Variants in C5orf46 observed in about 807,000 individuals in gnomAD.
C5orf46 encodes chromosome 5 open reading frame 46.
A neutral mutation model predicts 8.9 loss-of-function variants in C5orf46; 9 were observed. The observed-to-expected ratio is 1.01, with a 90% CI of 0.61 to 1.76. The LOEUF (loss-of-function observed/expected upper bound fraction) is 1.76. C5orf46 is among the 40% of genes most tolerant of loss of function. C5orf46 has a pLI of 0.00. For missense variants in C5orf46, 98 were observed against 107.8 expected (o/e 0.91, Z 0.40); for synonymous variants, 47 against 41.4 (o/e 1.14, Z -0.52).
intron 3 of C5orf46, among the ~76,000 whole-genome samples, chr5:147,895,291 T>G (rs1011399047): frequency 1.3e-5 from 2 of 152,068 alleles, no homozygotes; most frequent in African/African-American, 2.4e-5. Context: ...ATACAAAAAT[T>G]AGTCTCTCCC....
intron 3 of C5orf46, among the ~76,000 whole-genome samples, chr5:147,893,312 C>G (rs1195746824): frequency 6.9e-6 from 1 of 144,974 alleles, no homozygotes; most frequent in African/African-American, 2.6e-5. Flanking sequence ...GAGACAGAGT[C>G]CCTCTCTGTT....
intron 2 of C5orf46, chr5:147,886,706 T>A (rs1380158754): frequency 6.6e-6 from 1 of 151,208 alleles, no homozygotes; most frequent in Non-Finnish European, 1.5e-5. Context: ...TAAATTGTTA[T>A]CTATGTGAAT....
At chr5:147,901,982 T>A (rs1004580111) in intron 1 of C5orf46, among the ~76,000 whole-genome samples, 1 of 152,166 alleles carries the variant, frequency 6.6e-6, no homozygotes, top group African/African-American at 2.4e-5. Context: ...ATAGACCGAC[T>A]GATATTGATA....
At chr5:147,906,291 C>T in intron 1 of C5orf46, 141 bp downstream of exon 1, 1 of 458,736 alleles carries the variant, frequency 2.2e-6, no homozygotes, top group Admixed American at 3.8e-5. Context: ...AGAAGATACA[C>T]CTCTTGTCTC....
intron 3 of C5orf46, among the ~76,000 whole-genome samples, 191 bp downstream of exon 3, chr5:147,896,793 C>G (rs139878428): frequency 1.1e-4 from 16 of 152,156 alleles, no homozygotes; most frequent in African/African-American, 3.9e-4. Flanking sequence ...GCTCTACCTC[C>G]TCTCTTAAGA....
chr5:147,887,109 T>A (rs548219123), intron 2 of C5orf46: 1 of 152,322 alleles, frequency 6.6e-6, no homozygotes, highest in Non-Finnish European at 1.5e-5. Flanking sequence ...GTTTCATGTC[T>A]AAGATAGGCA....
intron 3 of C5orf46, among the ~76,000 whole-genome samples, chr5:147,894,182 CTT>C (rs1427958805): frequency 6.6e-6 from 1 of 152,104 alleles, no homozygotes; most frequent in African/African-American, 2.4e-5. Flanking sequence ...TCCATTACCT[CTT>C]TTGATAATTT....
At chr5:147,888,066 G>A (rs1386994996), downstream of C5orf46, among the ~76,000 whole-genome samples, 1 of 152,170 alleles carries the variant, frequency 6.6e-6, no homozygotes, top group Non-Finnish European at 1.5e-5. Flanking sequence ...ATATACCTGA[G>A]TGGCAACACT....
In C5orf46 at chr5:147,902,641, ATAGT is replaced by A. The variant is rs764541310; in HGVS notation, c.71-872_71-869del. Among the ~76,000 whole-genome samples the A allele has an allele frequency of 5.3e-5, 8 of 152,176 alleles. No homozygotes were observed. In the East Asian group the frequency reaches 5.8e-4, roughly 11 times the overall value. Reference sequence around the variant, plus strand: ...TGTTTAGAAACTGGTTGAAAGTCACATAGTTAGTAAGTGGCAGAAATACAATTCA... The same window carrying A: ...TGTTTAGAAACTGGTTGAAAGTCACATAGTAAGTGGCAGAAATACAATTCA... On this transcript the variant is annotated intron_variant, in intron 1 of 3. Transcript: ENST00000318315.
intron 1 of C5orf46, 55 bp from the exon 2 acceptor site, chr5:147,901,828 C>G: frequency 6.4e-7 from 1 of 1,572,376 alleles, no homozygotes; most frequent in Non-Finnish European, 8.6e-7. Context: ...AGGAATCATT[C>G]TTTCTGTGTG....
intron 2 of C5orf46, chr5:147,886,293 T>A (rs1292770543): frequency 1.3e-5 from 2 of 152,154 alleles, no homozygotes; most frequent in African/African-American, 4.8e-5. Context: ...GGTTTTGATG[T>A]AGCAGCATAG....
chr5:147,890,811 G>A (rs13360221), downstream of C5orf46, among the ~76,000 whole-genome samples: 5,077 of 152,072 alleles, frequency 0.033, 274 homozygotes, highest in African/African-American at 0.12. Context: ...AGAAAGGAAG[G>A]GAAGTGAATA....
At chr5:147,902,479 G>C (rs1757685700) in intron 1 of C5orf46, among the ~76,000 whole-genome samples, 2 of 152,068 alleles carry the variant, frequency 1.3e-5, no homozygotes, top group Non-Finnish European at 2.9e-5. Context: ...AAATAAAAAT[G>C]AAATATCAAT....
intron 1 of C5orf46, 138 bp from the exon 2 acceptor site, chr5:147,901,911 T>TA (rs1757678418): frequency 2.4e-6 from 2 of 846,606 alleles, no homozygotes; most frequent in African/African-American, 1.7e-5. Context: ...ATCGAACATT[T>TA]AATGCCTGTC....
intron 3 of C5orf46, among the ~76,000 whole-genome samples, chr5:147,895,404 A>C (rs945227456): frequency 3.3e-5 from 5 of 152,306 alleles, no homozygotes; most frequent in Middle Eastern, 3.4e-3. Context: ...TTCATGCATC[A>C]ATTCCAAGTT....
downstream of C5orf46, among the ~76,000 whole-genome samples, chr5:147,889,280 C>G (rs114637128): frequency 6.6e-6 from 1 of 152,114 alleles, no homozygotes; most frequent in South Asian, 2.1e-4. Flanking sequence ...GAGTAAAGCA[C>G]TCACCCAAAC....
chr5:147,897,242 A>AAC (rs1757595877), intron 2 of C5orf46, among the ~76,000 whole-genome samples: 1 of 152,214 alleles, frequency 6.6e-6, no homozygotes, highest in African/African-American at 2.4e-5. Context: ...TGCATCTGCC[A>AAC]ACAAACCCAT....
intron 3 of C5orf46, among the ~76,000 whole-genome samples, chr5:147,894,274 A>G (rs1490433969): frequency 6.6e-6 from 1 of 152,196 alleles, no homozygotes; most frequent in Non-Finnish European, 1.5e-5. Context: ...ATGACTTAAG[A>G]CACAAAAAAA....
At chr5:147,888,543 T>C (rs1485931661), downstream of C5orf46, among the ~76,000 whole-genome samples, 1 of 152,192 alleles carries the variant, frequency 6.6e-6, no homozygotes, top group Non-Finnish European at 1.5e-5. Flanking sequence ...CACTCAACTA[T>C]AAATGCCTCT....
Sources: allele counts gnomAD v4.1 joint callset (sites outside exome capture counted in the v4.1 genomes callset), GRCh38; gene constraint gnomAD v4.1.1; transcripts MANE v1.5; gene names NCBI Gene and HGNC (gene_info 2026-07-23, HGNC 2026-07-21).